OLFM1: variants seen among roughly 807,000 people sequenced by gnomAD.
OLFM1 encodes the protein olfactomedin 1.
In OLFM1, 9 loss-of-function variants were observed where a neutral mutation model predicts 49.7. The observed-to-expected ratio is 0.18, with a 90% CI of 0.11 to 0.32. The LOEUF is 0.32. OLFM1 is among the 10% of genes least tolerant of loss of function. The pLI is 1.00. For synonymous variants in OLFM1, 240 were observed against 271.8 expected, an observed-to-expected ratio of 0.88 and a Z score of 1.15; for missense variants, 369 against 661.8, an observed-to-expected ratio of 0.56 and a Z score of 4.85.
intron 4 of OLFM1, among the ~76,000 whole-genome samples, chr9:135,104,185 A>G (rs1055823124): frequency 6.6e-6 from 1 of 152,154 alleles, no homozygotes; most frequent in Non-Finnish European, 1.5e-5. Context: ...AAGGAAGGGC[A>G]CGTCTTTAGG....
Position 135,090,273 on chromosome 9 carries a change from G to A in OLFM1, c.229G>A (p.Val77Met), listed in dbSNP as rs1213733721. ...CAGCGAGGGCAGGTGTATCTGCACA[G>A]TGGTCGCTCCACAGCAGACCATGTG... ...QDSEGRCICTVVAPQQTMCSR... is the reference protein window; with the variant it reads ...QDSEGRCICTMVAPQQTMCSR... Residue 77 changes from valine to methionine, a missense_variant, in exon 2 of 6, where the codon GTG becomes ATG. Physicochemically the swap from Val to Met is conservative, Grantham distance 21 (BLOSUM62 1). Coordinates refer to ENST00000371793, the MANE Select transcript of OLFM1 (RefSeq NM_001282611.2). 6.2e-7 allele frequency: 1 copy of A among 1,614,140 alleles called. No homozygotes were observed. Among genetic ancestry groups the A allele is most frequent in the South Asian group, 1.1e-5 (1 of 91,076 alleles).
Position 135,088,115 on chromosome 9 carries a change from C to T in OLFM1, c.126C>T (p.Gly42=). Residue 42 remains glycine, a synonymous_variant, in exon 1 of 6, where the codon GGC becomes GGT. Transcript: ENST00000371793. The surrounding 1 kb of genome is among the most constrained non-coding windows in gnomAD (Gnocchi z 4.8). ...LNTTKLSAAG[G]GTLDRSTGVL... ...CCACCAAGCTCTCGGCGGCCGGCGGCGGGACGCTGGACCGCAGCACCGGCG... is the reference window on the plus strand; with the variant it reads ...CCACCAAGCTCTCGGCGGCCGGCGGTGGGACGCTGGACCGCAGCACCGGCG... 1.4e-6 allele frequency: 2 copies of T among 1,407,598 alleles called. No homozygotes were observed. The highest frequency in any genetic ancestry group is 9.4e-7 in the Non-Finnish European group (1 of 1,064,274). 87.2% of individuals were successfully genotyped at this position (1,407,598 alleles called of 1,614,324 possible). A position where few individuals can be genotyped will look rare whatever the true frequency, so the allele number is the denominator to read the frequency against.
chr9:135,088,945 G>GCTGAGCTGAAACCGCCAC lies in OLFM1; in HGVS notation c.150+808_150+825dup, dbSNP rs1187949567. 6.6e-6 allele frequency among the ~76,000 whole-genome samples: 1 copy of GCTGAGCTGAAACCGCCAC among 152,236 alleles called. No individual in the cohort carries two copies. The highest frequency in any genetic ancestry group is 6.5e-5 in the Admixed American group (1 of 15,290). ...GAGCTGACTTAGATGGCTGAGCGAG[G>GCTGAGCTGAAACCGCCAC]CTGAGCTGAAACCGCCACCCGGAGG... is the stretch of plus-strand genomic sequence containing the variant. On this transcript the variant is annotated intron_variant, in intron 1 of 5. Transcript: ENST00000371793. The surrounding 1 kb of genome is among the most constrained non-coding windows in gnomAD (Gnocchi z 4.8).
intron 5 of OLFM1, among the ~76,000 whole-genome samples, chr9:135,108,960 G>A (rs185028829): frequency 2.0e-5 from 3 of 151,600 alleles, no homozygotes; most frequent in Admixed American, 2.0e-4. Flanking sequence ...ACACCTCCCC[G>A]CAATCTGGCC....
chr9:135,106,943 C>A, intron 5 of OLFM1, 88 bp downstream of exon 5: 1 of 1,074,874 alleles, frequency 9.3e-7, no homozygotes, highest in Non-Finnish European at 1.4e-6. Flanking sequence ...ACAAGCCACG[C>A]CCACCCTCCA....
chr9:135,081,878 G>A (rs773102232), intron 1 of OLFM1, among the ~76,000 whole-genome samples: 1 of 152,198 alleles, frequency 6.6e-6, no homozygotes, highest in Non-Finnish European at 1.5e-5. Context: ...CTGCGGGTCC[G>A]GTGACCCCCT....
At chr9:135,086,067 C>T (rs1445734588), upstream of OLFM1, among the ~76,000 whole-genome samples, 2 of 152,236 alleles carry the variant, frequency 1.3e-5, no homozygotes, top group Non-Finnish European at 2.9e-5. Context: ...CCTTGTCCTT[C>T]CGCAGCGGGA....
Position 135,104,973 on chromosome 9 carries a change from G to A in OLFM1, c.677-1776G>A, listed in dbSNP as rs573021013. Among the ~76,000 whole-genome samples the A allele has an allele frequency of 4.6e-5, 7 of 152,264 alleles. No individual in the cohort carries two copies. The South Asian group carries it at 1.5e-3, about 32-fold the overall frequency. On this transcript the variant is annotated intron_variant, in intron 4 of 5. Transcript: ENST00000371793. ...CATCTTCTTACTTCTCGTCCCCATA[G>A]ACGCCGGTCAGCTGTGGCCATCTCC...
intron 5 of OLFM1, among the ~76,000 whole-genome samples, chr9:135,107,124 CG>C (rs1830955964): frequency 6.6e-6 from 1 of 151,680 alleles, no homozygotes; most frequent in African/African-American, 2.4e-5. Flanking sequence ...GCCTCCTCCC[CG>C]GCCCGGTGGG....
At chr9:135,084,956 C>T (rs1362272581), upstream of OLFM1, among the ~76,000 whole-genome samples, 1 of 152,198 alleles carries the variant, frequency 6.6e-6, no homozygotes, top group Admixed American at 6.5e-5. The surrounding 1 kb of genome is among the most constrained non-coding windows in gnomAD (Gnocchi z 4.6). Flanking sequence ...TCCCCAATAG[C>T]CCACGTGTGT....
At chr9:135,109,465 G>A (rs115625710) in intron 5 of OLFM1, among the ~76,000 whole-genome samples, 1,797 of 152,230 alleles carry the variant, frequency 0.012, 16 homozygotes, top group Middle Eastern at 0.031. Flanking sequence ...CAGGAGAAGG[G>A]ATCCCTGGCA....
At chr9:135,110,787 G>A (rs1441445622) in intron 5 of OLFM1, among the ~76,000 whole-genome samples, 1 of 152,118 alleles carries the variant, frequency 6.6e-6, no homozygotes, top group Non-Finnish European at 1.5e-5. Flanking sequence ...ATTCAGCTAC[G>A]GGCCGCTTTA....
chr9:135,076,427 G>A (rs1830467271), intron 1 of OLFM1: 1 of 1,456,752 alleles, frequency 6.9e-7, no homozygotes, highest in Non-Finnish European at 9.0e-7. Context: ...CTGGTGTGGG[G>A]ATCGTGGGCA....
intron 5 of OLFM1, among the ~76,000 whole-genome samples, chr9:135,119,106 GA>G (rs1588226337): frequency 3.2e-4 from 49 of 151,200 alleles, no homozygotes; most frequent in East Asian, 1.2e-3. Flanking sequence ...CGGGCCTTTG[GA>G]AGTGCTCACC....
chr9:135,076,376 C>G, intron 1 of OLFM1: 1 of 1,517,980 alleles, frequency 6.6e-7, no homozygotes. Context: ...GGGCTGTGGC[C>G]ACATGCCCGG....
Position 135,098,847 on chromosome 9 carries a change from A to T in OLFM1, c.676+342A>T, listed in dbSNP as rs577603461. ...CACCAGTTTAATAGGGCTGGCAATA[A>T]CATCTCAGATTCCTCCGGATTGAGA... is the stretch of plus-strand genomic sequence containing the variant. On this transcript the variant is annotated intron_variant, in intron 4 of 5. Transcript: ENST00000371793. The surrounding 1 kb of genome is among the most constrained non-coding windows in gnomAD (Gnocchi z 5.6). Among the ~76,000 whole-genome samples the T allele has an allele frequency of 6.6e-6, 1 of 152,342 alleles. No homozygotes were observed. Among genetic ancestry groups the T allele is most frequent in the African/African-American group, 2.4e-5 (1 of 41,582 alleles).
In OLFM1 at chr9:135,117,281, G is replaced by A. The variant is rs775409285; in HGVS notation, c.784-2223G>A. On this transcript the variant is annotated intron_variant, in intron 5 of 5. Transcript: ENST00000371793. The surrounding 1 kb of genome is among the most constrained non-coding windows in gnomAD (Gnocchi z 5.5). ...TGGGTTTGCTATCTTGGTTGCTTTC[G>A]ACAACCAGAGGCTTCTTCAAAGCCC... is the stretch of plus-strand genomic sequence containing the variant. Among the ~76,000 whole-genome samples, 8 of 152,124 alleles carry A rather than the reference G, an allele frequency of 5.3e-5. No individual in the cohort carries two copies. The highest frequency in any genetic ancestry group is 8.8e-5 in the Non-Finnish European group (6 of 68,032).
intron 5 of OLFM1, among the ~76,000 whole-genome samples, 166 bp from the exon 6 acceptor site, chr9:135,119,338 C>T (rs541350742): frequency 1.4e-5 from 2 of 138,314 alleles, no homozygotes; most frequent in South Asian, 2.3e-4. Flanking sequence ...GAAGTGCTCA[C>T]GGGGTCTTTG....
At chr9:135,119,109 G>A (rs1449804054) in intron 5 of OLFM1, among the ~76,000 whole-genome samples, 3 of 151,134 alleles carry the variant, frequency 2.0e-5, no homozygotes, top group Non-Finnish European at 4.4e-5. Flanking sequence ...GCCTTTGGAA[G>A]TGCTCACCGG....
Sources: allele counts gnomAD v4.1 joint callset (sites outside exome capture counted in the v4.1 genomes callset), GRCh38; gene constraint gnomAD v4.1.1; non-coding constraint Gnocchi (gnomAD v3.1); transcripts MANE v1.5; gene names NCBI Gene and HGNC (gene_info 2026-07-23, HGNC 2026-07-21).